Variants in SLC52A3 observed in about 807,000 individuals in gnomAD.
SLC52A3 encodes solute carrier family 52 member 3, also known as solute carrier family 52, riboflavin transporter, member 3.
A neutral mutation model predicts 29.5 loss-of-function variants in SLC52A3; 20 were observed. The ratio of observed to expected loss-of-function variants is 0.68; its 90% CI spans 0.48 to 0.99. The LOEUF is 0.99. SLC52A3 is among the 50% of genes least tolerant of loss of function. The pLI is 0.00. For missense variants in SLC52A3, 548 were observed against 612.9 expected (o/e 0.89, Z 1.12); for synonymous variants, 301 against 271.0 (o/e 1.11, Z -1.09).
At chr20:775,928 C>A (rs147859895) in intron 1 of SLC52A3, 1 of 152,988 alleles carries the variant, frequency 6.5e-6, no homozygotes, top group African/African-American at 2.4e-5. Flanking sequence ...CCTCACAGGC[C>A]TGAGCCGCCC....
chr20:761,809 C>A lies in SLC52A3; in HGVS notation c.1089G>T (p.Leu363=). ...AGGTCCCAAGCACGGAGAGGACCCCCAGGAACAGCAGAGACCTAGAGGAAA... is the reference window on the plus strand; with the variant it reads ...AGGTCCCAAGCACGGAGAGGACCCCAAGGAACAGCAGAGACCTAGAGGAAA... ...MFLPNRSLLF[L]GVLSVLGTCF... Residue 363 remains leucine (L), a synonymous_variant, in exon 4 of 5, where the codon CTG becomes CTT. Transcript: ENST00000645534. The A allele has an allele frequency of 6.2e-7, 1 of 1,614,204 alleles. No homozygotes were observed. Among genetic ancestry groups the A allele is most frequent in the African/African-American group, 1.3e-5 (1 of 75,058 alleles).
chr20:763,673 G>C lies in SLC52A3; in HGVS notation c.898C>G (p.Leu300Val). The C allele has an allele frequency of 6.2e-7, 1 of 1,614,212 alleles. No individual in the cohort carries two copies. Among genetic ancestry groups the C allele is most frequent in the South Asian group, 1.1e-5 (1 of 91,084 alleles). The change falls in exon 3 of 5, where the codon CTG becomes GTG. Residue 300 changes from leucine (L) to valine (V), a missense_variant. Around this residue, in one of 2 missense-constraint regions of SLC52A3, gnomAD observed 375 missense variants for 471.1 expected, o/e 0.80. Transcript: ENST00000645534. ...EKAAPCCPAH[L>V]AFIYTLVAFV... ...GCCACCAGGGTATAGATGAAGGCCA[G>C]GTGCGCCGGGCAGCAGGGGGCTGCT...
intron 3 of SLC52A3, 50 bp downstream of exon 3, chr20:763,448 A>C (rs1986554581): frequency 6.2e-7 from 1 of 1,612,262 alleles, no homozygotes; most frequent in African/African-American, 1.3e-5. Context: ...CTGGGTTCTG[A>C]AATGAAGTGT....
chr20:766,824 TC>T (rs1390707845), intron 1 of SLC52A3, among the ~76,000 whole-genome samples: 1 of 152,014 alleles, frequency 6.6e-6, no homozygotes, highest in Non-Finnish European at 1.5e-5. Flanking sequence ...TTTTTAAAAA[TC>T]AAGAACAAAG....
At chr20:770,411 G>A (rs1986813766), upstream of SLC52A3, among the ~76,000 whole-genome samples, 1 of 152,192 alleles carries the variant, frequency 6.6e-6, no homozygotes, top group Non-Finnish European at 1.5e-5. The surrounding 1 kb of genome is among the most constrained non-coding windows in gnomAD (Gnocchi z 4.5). Flanking sequence ...CCACGCCTCA[G>A]CCTCCCAGAG....
upstream of SLC52A3, among the ~76,000 whole-genome samples, chr20:777,272 C>CAAAAAAA (rs11438035): frequency 2.4e-4 from 36 of 148,008 alleles, no homozygotes; most frequent in African/African-American, 8.4e-4. Context: ...AAACAAAAAA[C>CAAAAAAA]AAAAAAAAAA....
intron 1 of SLC52A3, among the ~76,000 whole-genome samples, chr20:767,549 G>A (rs950658185): frequency 6.6e-6 from 1 of 152,038 alleles, no homozygotes; most frequent in Non-Finnish European, 1.5e-5. Context: ...TAGAGATGGG[G>A]TTTCTCCGTG....
chr20:773,159 A>G (rs1244248326), upstream of SLC52A3, among the ~76,000 whole-genome samples: 1 of 152,170 alleles, frequency 6.6e-6, no homozygotes, highest in East Asian at 1.9e-4. Context: ...GAGGAGAAAC[A>G]TGAGGCGCCA....
At chr20:769,973 C>T (rs556958660), upstream of SLC52A3, among the ~76,000 whole-genome samples, 3 of 152,266 alleles carry the variant, frequency 2.0e-5, no homozygotes, top group East Asian at 5.8e-4. Context: ...CATTTCCCAG[C>T]CTTCTTTGTA....
chr20:760,481 C>T lies in SLC52A3; in HGVS notation c.*545G>A, dbSNP rs2060945885. 6.5e-6 allele frequency: 1 copy of T among 154,660 alleles called. No individual in the cohort carries two copies. The allele number at this position is 154,660 out of a possible 1,614,324, so 9.6% of individuals were successfully genotyped here. ...AGAGAGGGCAGGGGCGTGTCTCAAC[C>T]CTTCTGGCCACTTCTAGGTTGTGCA... On this transcript the variant is annotated 3_prime_UTR_variant, in exon 5 of 5. Transcript: ENST00000645534. This position sits in a 1 kb window ranked among gnomAD's most constrained non-coding sequence, Gnocchi z 4.9.
In SLC52A3 at chr20:761,072, C is replaced by G. The variant is rs749103207; in HGVS notation, c.1364G>C (p.Arg455Pro). The stretch of plus-strand genomic sequence containing the variant: ...GCAGAAGTCCGCGGACGAGAAGAGC[C>G]GCAGCACGTTGACCAGAGGGAACAT... Reference protein sequence around the residue: ...LLMFPLVNVLRLFSSADFCNL... With the variant: ...LLMFPLVNVLPLFSSADFCNL... Residue 455 changes from arginine (R) to proline (P), a missense_variant, in exon 5 of 5, where the codon CGG becomes CCG. Transcript: ENST00000645534. 1 of 1,610,030 alleles carries G rather than the reference C, an allele frequency of 6.2e-7. No individual in the cohort carries two copies. Among genetic ancestry groups the G allele is most frequent in the South Asian group, 1.1e-5 (1 of 90,506 alleles).
Position 765,518 on chromosome 20 carries a change from C to G in SLC52A3, c.257G>C (p.Cys86Ser). The change falls in exon 2 of 5, where the codon TGC (cysteine) becomes TCC (serine). Residue 86 changes from cysteine to serine, a missense_variant. Around this residue, in one of 2 missense-constraint regions of SLC52A3, gnomAD observed 375 missense variants for 471.1 expected, o/e 0.80. Coordinates refer to ENST00000645534, the MANE Select transcript of SLC52A3 (RefSeq NM_033409.4). The surrounding 1 kb of genome is among the most constrained non-coding windows in gnomAD (Gnocchi z 6.6). ...FTLLGVGTVT[C>S]IIFAFLWNMT... ...ATTCCAGAGGAAGGCAAAGATGATGCAGGTGACGGTTCCCACGCCCAGCAG... is the reference window on the plus strand; with the variant it reads ...ATTCCAGAGGAAGGCAAAGATGATGGAGGTGACGGTTCCCACGCCCAGCAG... 1 of 1,579,834 alleles carries G rather than the reference C, an allele frequency of 6.3e-7. No homozygotes were observed. The highest frequency in any genetic ancestry group is 8.6e-7 in the Non-Finnish European group (1 of 1,162,786).
At chr20:763,390 C>T in intron 3 of SLC52A3, 108 bp downstream of exon 3, 8 of 1,471,586 alleles carry the variant, frequency 5.4e-6, no homozygotes, top group Non-Finnish European at 7.5e-6. Flanking sequence ...GCTCCCCAAA[C>T]ATGTTCTTAA....
At chr20:772,184 G>A (rs376130124), upstream of SLC52A3, among the ~76,000 whole-genome samples, 11 of 152,310 alleles carry the variant, frequency 7.2e-5, no homozygotes, top group East Asian at 1.9e-3. Context: ...TTGTATGTTC[G>A]ACAACTCCTA....
intron 1 of SLC52A3, among the ~76,000 whole-genome samples, chr20:775,560 G>C (rs563472337): frequency 6.6e-6 from 1 of 152,128 alleles, no homozygotes; most frequent in African/African-American, 2.4e-5. Flanking sequence ...GATTACAGGC[G>C]TGAGCCATGA....
intron 4 of SLC52A3, 79 bp downstream of exon 4, chr20:761,622 G>C (rs776063960): frequency 1.3e-6 from 2 of 1,589,578 alleles, no homozygotes; most frequent in Non-Finnish European, 1.7e-6. Flanking sequence ...GCTGGAAAGG[G>C]CCGCGCCCAA....
In SLC52A3 at chr20:761,051, A is replaced by G; in HGVS notation, c.1385T>C (p.Phe462Ser). 6.2e-7 allele frequency: 1 copy of G among 1,609,188 alleles called. No individual in the cohort carries two copies. Among genetic ancestry groups the G allele is most frequent in the Non-Finnish European group, 8.5e-7 (1 of 1,178,432 alleles). The change falls in exon 5 of 5, where the codon TTC (phenylalanine) becomes TCC (serine). Residue 462 changes from phenylalanine (F) to serine (S), a missense_variant. Physicochemically the swap from Phe to Ser is radical, Grantham distance 155. Around this residue, in one of 2 missense-constraint regions of SLC52A3, gnomAD observed 173 missense variants for 141.8 expected, o/e 1.22. Coordinates refer to ENST00000645534, the MANE Select transcript of SLC52A3 (RefSeq NM_033409.4). The stretch of plus-strand genomic sequence containing the variant: ...CTAGGCTGGACAGTGCAGATTGCAG[A>G]AGTCCGCGGACGAGAAGAGCCGCAG... ...NVLRLFSSAD[F>S]CNLHCPA
chr20:774,158 C>T (rs914330470), intron 1 of SLC52A3, among the ~76,000 whole-genome samples: 3 of 152,228 alleles, frequency 2.0e-5, no homozygotes, highest in African/African-American at 4.8e-5. Context: ...GCTGGGTTCT[C>T]GCTCTGCAGG....
chr20:765,434 A>T lies in SLC52A3; in HGVS notation c.341T>A (p.Phe114Tyr). The T allele has an allele frequency of 6.2e-7, 1 of 1,613,278 alleles. No individual in the cohort carries two copies. Among genetic ancestry groups the T allele is most frequent in the Non-Finnish European group, 8.5e-7 (1 of 1,179,590 alleles). The change falls in exon 2 of 5, where the codon TTC becomes TAC. Residue 114 changes from phenylalanine to tyrosine, a missense_variant. By Grantham distance (22) the Phe-to-Tyr change is conservative. This residue lies in a region of SLC52A3 where 375 missense variants were observed against 471.1 expected (regional missense o/e 0.80). Transcript: ENST00000645534. This position sits in a 1 kb window ranked among gnomAD's most constrained non-coding sequence, Gnocchi z 6.6. ...HSIAFLVLTF[F>Y]LALVDCTSSV... ...AGAGGTGCAGTCCACCAGGGCCAGGAAGAAGGTGAGGACCAAGAAGGCGAT... is the reference window on the plus strand; with the variant it reads ...AGAGGTGCAGTCCACCAGGGCCAGGTAGAAGGTGAGGACCAAGAAGGCGAT...
Sources: allele counts gnomAD v4.1 joint callset (sites outside exome capture counted in the v4.1 genomes callset), GRCh38; gene constraint gnomAD v4.1.1; regional missense constraint gnomAD v4.1.1; non-coding constraint Gnocchi (gnomAD v3.1); transcripts MANE v1.5; gene names NCBI Gene and HGNC (gene_info 2026-07-23, HGNC 2026-07-21).